Variants in METTL25 observed in about 807,000 individuals in gnomAD.
The protein encoded by METTL25 is probable methyltransferase-like protein 25.
METTL25 carries 64 observed loss-of-function variants against 71.6 expected under a neutral mutation model. The ratio of observed to expected loss-of-function variants is 0.89; its 90% CI spans 0.73 to 1.10. The LOEUF (loss-of-function observed/expected upper bound fraction) is 1.10, where lower values mean the gene tolerates loss of function less well. Ranked by LOEUF, METTL25 falls within the 50% of genes least tolerant of loss-of-function variation. The pLI is 0.00. For synonymous variants in METTL25, 287 were observed against 250.3 expected (o/e 1.15, Z -1.38); for missense variants, 807 against 707.0 (o/e 1.14, Z -1.60).
At chr12:82,468,044 A>G (rs909315129) in intron 9 of METTL25, among the ~76,000 whole-genome samples, 1 of 151,876 alleles carries the variant, frequency 6.6e-6, no homozygotes, top group Admixed American at 6.6e-5. Flanking sequence ...CTTCTGGTTC[A>G]GAAATTTTTT....
At chr12:82,403,542 G>T (rs1482322919) in intron 5 of METTL25, among the ~76,000 whole-genome samples, 1 of 152,074 alleles carries the variant, frequency 6.6e-6, no homozygotes, top group Non-Finnish European at 1.5e-5. Flanking sequence ...AAGGAATACT[G>T]ATATTTAAAA....
intron 5 of METTL25, among the ~76,000 whole-genome samples, chr12:82,418,914 T>C (rs1433209260): frequency 6.6e-6 from 1 of 152,082 alleles, no homozygotes; most frequent in Admixed American, 6.6e-5. Context: ...AAACACTAAT[T>C]TGATTTGAGA....
At chr12:82,369,220 T>G (rs1272503606) in intron 1 of METTL25, among the ~76,000 whole-genome samples, 1 of 152,248 alleles carries the variant, frequency 6.6e-6, no homozygotes, top group African/African-American at 2.4e-5. Context: ...GTTATTTTAT[T>G]CATAGCTTCA....
chr12:82,424,410 T>A (rs1691523584), intron 5 of METTL25, among the ~76,000 whole-genome samples: 1 of 151,956 alleles, frequency 6.6e-6, no homozygotes, highest in Non-Finnish European at 1.5e-5. Context: ...GGGGGAGGGA[T>A]AGCATTAGGA....
intron 5 of METTL25, among the ~76,000 whole-genome samples, chr12:82,428,688 A>T (rs1460116022): frequency 6.6e-6 from 1 of 151,930 alleles, no homozygotes; most frequent in African/African-American, 2.4e-5. Flanking sequence ...TGAGTTCTGG[A>T]TTCAGATTGC....
intron 5 of METTL25, among the ~76,000 whole-genome samples, chr12:82,421,488 C>T (rs1347994780): frequency 6.6e-6 from 1 of 152,048 alleles, no homozygotes; most frequent in Non-Finnish European, 1.5e-5. Flanking sequence ...TTTAATTTTA[C>T]ATATGTTGAT....
intron 1 of METTL25, chr12:82,369,442 G>C (rs1882952257): frequency 2.2e-6 from 1 of 451,062 alleles, no homozygotes; most frequent in Non-Finnish European, 4.4e-6. Flanking sequence ...TGCGGTGACT[G>C]TTACAGCTCT....
chr12:82,375,424 A>G (rs1883732258), intron 1 of METTL25, among the ~76,000 whole-genome samples: 1 of 140,050 alleles, frequency 7.1e-6, no homozygotes, highest in Non-Finnish European at 1.5e-5. Flanking sequence ...TGGACTTCCC[A>G]GCCTCTAGAG....
chr12:82,369,360 G>A, intron 1 of METTL25: 2 of 375,054 alleles, frequency 5.3e-6, no homozygotes, highest in South Asian at 2.0e-5. Context: ...TCAATGTTTT[G>A]TGTCCGGAAT....
chr12:82,415,092 C>T (rs1243410670), intron 5 of METTL25, among the ~76,000 whole-genome samples: 2 of 152,074 alleles, frequency 1.3e-5, no homozygotes. Flanking sequence ...CAGTGTTTGC[C>T]AAACCAACAC....
chr12:82,474,580 G>A (rs755027607), intron 9 of METTL25: 4 of 152,064 alleles, frequency 2.6e-5, no homozygotes, highest in Admixed American at 1.3e-4. Flanking sequence ...CTTCTTATGC[G>A]CTTGTAAGAA....
intron 8 of METTL25, among the ~76,000 whole-genome samples, chr12:82,450,051 A>G (rs1336982437): frequency 6.6e-6 from 1 of 151,808 alleles, no homozygotes; most frequent in African/African-American, 2.4e-5. Flanking sequence ...CCAATTTTCC[A>G]CTCTTTATTG....
At chr12:82,405,839 C>G (rs531330150) in intron 5 of METTL25, among the ~76,000 whole-genome samples, 1 of 152,256 alleles carries the variant, frequency 6.6e-6, no homozygotes, top group East Asian at 1.9e-4. Context: ...TAAGCACATT[C>G]ACTCAAACGT....
Position 82,386,890 on chromosome 12 carries a change from C to T in METTL25, c.347C>T (p.Ser116Phe), listed in dbSNP as rs762365873. ...EAFALAAKYY[S>F]VQNLGICTPF... Reference sequence around the variant, plus strand: ...TTTGCTCTGGCTGCGAAATACTATTCTGTACAAAACTTGGGAATATGTACT... The same window carrying T: ...TTTGCTCTGGCTGCGAAATACTATTTTGTACAAAACTTGGGAATATGTACT... Residue 116 changes from serine (S) to phenylalanine (F), a missense_variant, in exon 2 of 12, where the codon TCT becomes TTT. By Grantham distance (155) the Ser-to-Phe change is radical. Coordinates refer to ENST00000248306, the MANE Select transcript of METTL25 (RefSeq NM_032230.3). 6 of 1,613,328 alleles carry T rather than the reference C, an allele frequency of 3.7e-6. No individual in the cohort carries two copies. The African/African-American group carries it at 6.7e-5, about 18-fold the overall frequency.
intron 1 of METTL25, among the ~76,000 whole-genome samples, chr12:82,380,963 G>A (rs1024370948): frequency 6.6e-6 from 1 of 152,216 alleles, no homozygotes; most frequent in Non-Finnish European, 1.5e-5. Context: ...GTAAAAACAA[G>A]TGCAAAGGCC....
intron 9 of METTL25, among the ~76,000 whole-genome samples, chr12:82,472,084 C>T (rs1892603200): frequency 1.3e-5 from 2 of 152,148 alleles, no homozygotes; most frequent in South Asian, 4.1e-4. Flanking sequence ...TACCTACAAT[C>T]TGTCTTGGGA....
chr12:82,460,194 A>G (rs1230824758), intron 9 of METTL25, among the ~76,000 whole-genome samples: 2 of 152,236 alleles, frequency 1.3e-5, no homozygotes, highest in African/African-American at 4.8e-5. Context: ...GTTACAGTAT[A>G]TGGTCTACCT....
At chr12:82,427,153 A>G (rs2137130483) in intron 5 of METTL25, among the ~76,000 whole-genome samples, 1 of 151,998 alleles carries the variant, frequency 6.6e-6, no homozygotes, top group Admixed American at 6.6e-5. Flanking sequence ...TTCCTACCTA[A>G]TCAAAACCTA....
intron 3 of METTL25, among the ~76,000 whole-genome samples, chr12:82,392,948 G>T (rs1592640086): frequency 6.6e-6 from 1 of 151,976 alleles, no homozygotes; most frequent in Non-Finnish European, 1.5e-5. Context: ...TAAATGCATG[G>T]ATTTAATTCT....
Sources: gnomAD v4.1 joint callset for allele counts (sites outside exome capture counted in the v4.1 genomes callset) on GRCh38, gnomAD v4.1.1 for gene constraint, MANE v1.5 for transcripts, NCBI Gene and HGNC (gene_info 2026-07-23, HGNC 2026-07-21) for gene names.